The following RNF4 variants were observed in gnomAD, a reference collection of about 807,000 sequenced individuals.
RNF4 encodes ring finger protein 4.
RNF4 carries 7 observed loss-of-function variants against 24.3 expected under a neutral mutation model. The observed-to-expected ratio is 0.29, with a 90% CI of 0.16 to 0.54. The LOEUF is 0.54. RNF4 is among the 20% of genes least tolerant of loss of function. The pLI is 0.95. For missense variants in RNF4, 209 were observed against 248.5 expected, an observed-to-expected ratio of 0.84 and a Z score of 1.07; for synonymous variants, 83 against 84.3, an observed-to-expected ratio of 0.98 and a Z score of 0.09.
Position 2,512,653 on chromosome 4 carries a change from T to C in RNF4, c.374+56T>C. The C allele has an allele frequency of 6.3e-7, 1 of 1,588,324 alleles. No individual in the cohort carries two copies. The highest frequency in any genetic ancestry group is 8.6e-7 in the Non-Finnish European group (1 of 1,166,106). On this transcript the variant is annotated intron_variant, in intron 6 of 7. Coordinates refer to ENST00000314289, the MANE Select transcript of RNF4 (RefSeq NM_002938.5). This position sits in a 1 kb window ranked among gnomAD's most constrained non-coding sequence, Gnocchi z 4.1. The stretch of plus-strand genomic sequence containing the variant: ...CATGCTAGGATGTGGGGCCAGGGCA[T>C]GGGAATACTTTTCAGCAAATCTGTG...
At position 2,512,442 on chromosome 4, in the gene RNF4, A is replaced by T. The variant is rs1309714859; in HGVS notation, c.219A>T (p.Arg73Ser). 5 of 1,609,240 alleles carry T rather than the reference A, an allele frequency of 3.1e-6. No individual in the cohort carries two copies. Among genetic ancestry groups the T allele is most frequent in the Non-Finnish European group, 4.2e-6 (5 of 1,177,876 alleles). Residue 73 changes from arginine (R) to serine (S), a missense_variant, in exon 6 of 8, where the codon AGA becomes AGT. By Grantham distance (110) the Arg-to-Ser change is moderately radical (BLOSUM62 -1). Around this residue, in one of 3 missense-constraint regions of RNF4, gnomAD observed 182 missense variants for 197.2 expected, o/e 0.92. Transcript: ENST00000314289. This position sits in a 1 kb window ranked among gnomAD's most constrained non-coding sequence, Gnocchi z 4.1. Reference protein sequence around the residue: ...HNDSVVIVDERRRPRRNARRL... With the variant: ...HNDSVVIVDESRRPRRNARRL... ...AAATGTGACCTCTTACCTTAGAAAG[A>T]AGAAGACCAAGGAGGAATGCTAGGA...
chr4:2,511,169 T>C (rs925625615), intron 4 of RNF4, among the ~76,000 whole-genome samples: 1 of 152,268 alleles, frequency 6.6e-6, no homozygotes, highest in African/African-American at 2.4e-5. Context: ...ATGTGGGCTC[T>C]GGTGACTCTG....
chr4:2,481,731 A>G (rs1175538461), intron 1 of RNF4, among the ~76,000 whole-genome samples: 2 of 152,082 alleles, frequency 1.3e-5, no homozygotes, highest in African/African-American at 4.8e-5. Context: ...TTTTAAAGAC[A>G]GAGTCTCGCT....
At chr4:2,485,125 T>C (rs892210233) in intron 1 of RNF4, among the ~76,000 whole-genome samples, 3 of 152,132 alleles carry the variant, frequency 2.0e-5, no homozygotes, top group Non-Finnish European at 4.4e-5. Flanking sequence ...TCAGCACTGC[T>C]TCCTCTAGAC....
At chr4:2,510,854 C>G (rs1348467311) in intron 4 of RNF4, among the ~76,000 whole-genome samples, 1 of 152,204 alleles carries the variant, frequency 6.6e-6, no homozygotes, top group African/African-American at 2.4e-5. Context: ...ACTGTTGGAG[C>G]AGAAATTGTC....
chr4:2,477,538 T>C (rs1735115776), intron 1 of RNF4, among the ~76,000 whole-genome samples: 1 of 152,050 alleles, frequency 6.6e-6, no homozygotes, highest in African/African-American at 2.4e-5. Context: ...TGAGCCGAGA[T>C]CATGCCACTG....
chr4:2,504,986 G>C (rs549901484), intron 4 of RNF4: 1 of 152,196 alleles, frequency 6.6e-6, no homozygotes, highest in Non-Finnish European at 1.5e-5. Flanking sequence ...CACTCGCCTT[G>C]GCCTCCCAAA....
chr4:2,485,175 G>C (rs1459952909), intron 1 of RNF4, among the ~76,000 whole-genome samples: 1 of 152,076 alleles, frequency 6.6e-6, no homozygotes. Context: ...CTGGGACTGC[G>C]ACTCCTTTGC....
chr4:2,490,572 T>C, intron 2 of RNF4, 70 bp downstream of exon 2: 1 of 1,506,088 alleles, frequency 6.6e-7, no homozygotes, highest in African/African-American at 1.4e-5. Flanking sequence ...TTGTAGCACA[T>C]TAGTGAAAGT....
intron 2 of RNF4, among the ~76,000 whole-genome samples, chr4:2,494,158 T>C (rs1578512812): frequency 6.6e-6 from 1 of 152,116 alleles, no homozygotes; most frequent in East Asian, 1.9e-4. Flanking sequence ...AGAAATAGCA[T>C]TTGAACGTAA....
In RNF4 at chr4:2,514,254, G is replaced by A. The variant is rs1264662682; in HGVS notation, c.*435G>A. ...AAGCCAGACCCGGTTCACCCAGCTC[G>A]AGGATCCCAGGTTGAAGAGTGGCCC... On this transcript the variant is annotated 3_prime_UTR_variant, in exon 8 of 8. Transcript: ENST00000314289. The A allele has an allele frequency of 1.1e-5, 2 of 185,912 alleles. No homozygotes were observed. Among genetic ancestry groups the A allele is most frequent in the East Asian group, 1.3e-4 (1 of 7,882 alleles). The allele number at this position is 185,912 out of a possible 1,614,324, so 11.5% of individuals were successfully genotyped here. A position where few individuals can be genotyped will look rare whatever the true frequency, so the allele number is the denominator to read the frequency against.
At chr4:2,474,754 G>T (rs1333725913) in intron 1 of RNF4, among the ~76,000 whole-genome samples, 7 of 152,188 alleles carry the variant, frequency 4.6e-5, no homozygotes, top group Non-Finnish European at 8.8e-5. Flanking sequence ...GCCCAGTGCG[G>T]TGGCTCACGC....
At position 2,515,703 on chromosome 4, in the gene RNF4, G is replaced by A. The variant is rs1736396748; in HGVS notation, c.*1884G>A. Reference sequence around the variant, plus strand: ...CTACTATTCAGAAACTGCGAACTAGGGAAAGGTTGGTATGAAGAAATGTCT... The same window carrying A: ...CTACTATTCAGAAACTGCGAACTAGAGAAAGGTTGGTATGAAGAAATGTCT... On this transcript the variant is annotated 3_prime_UTR_variant, in exon 8 of 8. Coordinates refer to ENST00000314289, the MANE Select transcript of RNF4 (RefSeq NM_002938.5). The A allele has an allele frequency of 6.6e-6, 1 of 152,584 alleles. No individual in the cohort carries two copies. The highest frequency in any genetic ancestry group is 2.1e-4 in the South Asian group (1 of 4,832). The allele number at this position is 152,584 out of a possible 1,614,324, so 9.5% of individuals were successfully genotyped here.
At chr4:2,489,053 T>TC (rs34746094) in intron 1 of RNF4, among the ~76,000 whole-genome samples, 5,747 of 152,248 alleles carry the variant, frequency 0.038, 159 homozygotes, top group East Asian at 0.12. Context: ...CCTCAGGTGA[T>TC]CCACCCGCCT....
chr4:2,487,372 G>A (rs577797340), intron 1 of RNF4, among the ~76,000 whole-genome samples: 21 of 152,040 alleles, frequency 1.4e-4, no homozygotes, highest in African/African-American at 3.4e-4. Context: ...TGCAACCTCC[G>A]CCTCCCGGGT....
intron 4 of RNF4, among the ~76,000 whole-genome samples, chr4:2,504,847 C>T (rs1736027130): frequency 6.6e-6 from 1 of 151,578 alleles, no homozygotes; most frequent in Non-Finnish European, 1.5e-5. Context: ...ATTCTCCTGC[C>T]TCAGCCTATT....
At chr4:2,472,992 A>G (rs1459783433) in intron 1 of RNF4, among the ~76,000 whole-genome samples, 4 of 152,044 alleles carry the variant, frequency 2.6e-5, no homozygotes, top group Non-Finnish European at 5.9e-5. Context: ...GTGAGCCAAG[A>G]TAGCACCACT....
intron 1 of RNF4, among the ~76,000 whole-genome samples, chr4:2,470,587 A>C (rs1734872226): frequency 6.6e-6 from 1 of 152,216 alleles, no homozygotes. Context: ...ATCTTCATGA[A>C]ATCTTAATGC....
intron 1 of RNF4, among the ~76,000 whole-genome samples, chr4:2,475,496 G>T (rs778830365): frequency 6.6e-6 from 1 of 152,082 alleles, no homozygotes; most frequent in Non-Finnish European, 1.5e-5. Flanking sequence ...GTGCCACCAT[G>T]CCCAGCTAAT....
Sources: gnomAD v4.1 joint callset for allele counts (sites outside exome capture counted in the v4.1 genomes callset) on GRCh38, gnomAD v4.1.1 for gene constraint, gnomAD v4.1.1 regional missense constraint, Gnocchi (gnomAD v3.1) non-coding constraint, MANE v1.5 for transcripts, NCBI Gene and HGNC (gene_info 2026-07-23, HGNC 2026-07-21) for gene names.